The following FGD3 variants were observed in gnomAD, a reference collection of about 807,000 sequenced individuals.
The protein encoded by FGD3 is FYVE, RhoGEF and PH domain-containing protein 3.
Under a neutral mutation model 71.8 loss-of-function variants are expected in FGD3, and 45 were observed. The observed-to-expected ratio is 0.63, with a 90% CI of 0.49 to 0.80. The LOEUF (loss-of-function observed/expected upper bound fraction) is 0.80. FGD3 is among the 30% of genes least tolerant of loss of function. The pLI, the probability that FGD3 is intolerant of heterozygous loss-of-function variation, is 0.00. For missense variants in FGD3, 844 were observed against 951.5 expected (o/e 0.89, Z 1.49); for synonymous variants, 378 against 392.8 (o/e 0.96, Z 0.44).
At chr9:93,011,391 T>G in intron 8 of FGD3, 119 bp downstream of exon 8, 1 of 1,218,178 alleles carries the variant, frequency 8.2e-7, no homozygotes, top group Non-Finnish European at 1.2e-6. Flanking sequence ...GTGACTCTTT[T>G]ATACCTCCTT....
At position 92,948,405 on chromosome 9, in the gene FGD3, AG is replaced by A. The variant is rs1311659694; in HGVS notation, c.-218+678del. On this transcript the variant is annotated intron_variant, in intron 1 of 17. Transcript: ENST00000375482. Reference sequence around the variant, plus strand: ...TAGACATGGGCCGAAAGAGGCCGCAAGGCTGGCCGTGTCCCTTTTTGTAGTT... The same window carrying A: ...TAGACATGGGCCGAAAGAGGCCGCAAGCTGGCCGTGTCCCTTTTTGTAGTT... 2.6e-5 allele frequency among the ~76,000 whole-genome samples: 4 copies of A among 152,254 alleles called. No homozygotes were observed. The East Asian group carries it at 7.7e-4, about 29-fold the overall frequency.
intron 5 of FGD3, among the ~76,000 whole-genome samples, chr9:93,004,474 G>A (rs1860976925): frequency 6.6e-6 from 1 of 152,156 alleles, no homozygotes; most frequent in South Asian, 2.1e-4. Context: ...TTCCCTCCTA[G>A]CTTATACTCC....
chr9:92,960,144 C>T (rs897866619), intron 1 of FGD3, among the ~76,000 whole-genome samples: 1 of 152,042 alleles, frequency 6.6e-6, no homozygotes, highest in Non-Finnish European at 1.5e-5. Flanking sequence ...GTCTTCATGT[C>T]TTCATGTCCC....
Position 93,010,358 on chromosome 9 carries a change from A to G in FGD3, c.950A>G (p.Asp317Gly). 6.2e-7 allele frequency: 1 copy of G among 1,612,770 alleles called. No homozygotes were observed. The highest frequency in any genetic ancestry group is 2.2e-5 in the East Asian group (1 of 44,806). The change falls in exon 7 of 18, where the codon GAC becomes GGC. Residue 317 changes from aspartate (D) to glycine (G), a missense_variant. Transcript: ENST00000375482. The part of the protein sequence containing the change: ...LKDYLKRLPQ[D>G]APDRKDAERS... ...GACTATCTGAAGAGGCTCCCGCAGG[A>G]CGCCCCAGACCGGAAGGATGCGGAG...
chr9:93,026,144 A>G (rs1862105645), intron 14 of FGD3, among the ~76,000 whole-genome samples: 1 of 152,194 alleles, frequency 6.6e-6, no homozygotes, highest in African/African-American at 2.4e-5. Context: ...TGCTCAAGAA[A>G]AAATGCTGGA....
At chr9:93,030,980 C>T (rs1587874444) in intron 15 of FGD3, among the ~76,000 whole-genome samples, 1 of 151,058 alleles carries the variant, frequency 6.6e-6, no homozygotes, top group Non-Finnish European at 1.5e-5. Flanking sequence ...GATGAACAGA[C>T]GAATAGTTGG....
At chr9:92,978,310 TATTCTA>T (rs1335630069) in intron 3 of FGD3, among the ~76,000 whole-genome samples, 4 of 150,422 alleles carry the variant, frequency 2.7e-5, no homozygotes, top group African/African-American at 9.8e-5. Context: ...GAATAAACTA[TATTCTA>T]ATAGCCACAT....
At chr9:93,005,492 G>C (rs369691727) in intron 5 of FGD3, among the ~76,000 whole-genome samples, 111 of 152,256 alleles carry the variant, frequency 7.3e-4, no homozygotes, top group African/African-American at 2.5e-3. Context: ...TGTGCCTGTG[G>C]CTTTTTTCTT....
In FGD3 at chr9:92,969,084, C is replaced by A. The variant is rs931417205; in HGVS notation, c.-217-6154C>A. ...AGGCAGTTCACATGGTTTATTGTATCACCTAGAGGCACTTACAGTATTGCC... is the reference window on the plus strand; with the variant it reads ...AGGCAGTTCACATGGTTTATTGTATAACCTAGAGGCACTTACAGTATTGCC... On this transcript the variant is annotated intron_variant, in intron 1 of 17. Coordinates refer to ENST00000375482, the MANE Select transcript of FGD3 (RefSeq NM_001083536.2). This position sits in a 1 kb window ranked among gnomAD's most constrained non-coding sequence, Gnocchi z 4.5. Among the ~76,000 whole-genome samples the A allele has an allele frequency of 6.6e-6, 1 of 152,250 alleles. No homozygotes were observed. Among genetic ancestry groups the A allele is most frequent in the South Asian group, 2.1e-4 (1 of 4,836 alleles).
rs371150500 is a variant in FGD3 at position 93,028,197 on chromosome 9, G to GACACAC, written c.1558-1662_1558-1657dup. Among the ~76,000 whole-genome samples, 900 of 147,294 alleles carry GACACAC rather than the reference G, an allele frequency of 6.1e-3. 12 individuals carry two copies. Among genetic ancestry groups the GACACAC allele is most frequent in the East Asian group, 0.056 (283 of 5,024 alleles). On this transcript the variant is annotated intron_variant, in intron 14 of 17. Transcript: ENST00000375482. ...TTATGGCCCCTCAGCCCCTAGCCCCGACACACACACACACACACACGCACA... is the reference window on the plus strand; with the variant it reads ...TTATGGCCCCTCAGCCCCTAGCCCCGACACACACACACACACACACACACACGCACA...
intron 1 of FGD3, among the ~76,000 whole-genome samples, chr9:92,950,534 C>T (rs552176407): frequency 1.5e-4 from 23 of 152,282 alleles, no homozygotes; most frequent in Admixed American, 1.1e-3. Flanking sequence ...AGGCTCCAGC[C>T]CCACGCAGCT....
At chr9:92,952,745 C>T (rs1216184025) in intron 1 of FGD3, among the ~76,000 whole-genome samples, 1 of 151,858 alleles carries the variant, frequency 6.6e-6, no homozygotes, top group Non-Finnish European at 1.5e-5. Context: ...CTCTTTCCTT[C>T]CCTTTTTTCC....
intron 3 of FGD3, among the ~76,000 whole-genome samples, chr9:92,995,325 G>A (rs901928500): frequency 1.6e-4 from 25 of 152,270 alleles, no homozygotes; most frequent in African/African-American, 5.3e-4. Context: ...AATTGATTTC[G>A]TATCCTGAGA....
intron 6 of FGD3, among the ~76,000 whole-genome samples, chr9:93,006,878 C>G (rs572549909): frequency 4.6e-5 from 7 of 151,566 alleles, no homozygotes; most frequent in African/African-American, 1.5e-4. Flanking sequence ...AGGCGCCCAC[C>G]ACCACGCCCA....
intron 16 of FGD3, chr9:93,033,298 T>A: frequency 6.7e-6 from 1 of 149,142 alleles, no homozygotes; most frequent in Non-Finnish European, 1.2e-5. Context: ...CTCCTCCCCG[T>A]CCCCTTCTCC....
At chr9:93,024,885 C>G (rs568822438) in intron 14 of FGD3, among the ~76,000 whole-genome samples, 2 of 152,382 alleles carry the variant, frequency 1.3e-5, no homozygotes, top group African/African-American at 4.8e-5. Flanking sequence ...TGGGAAGACA[C>G]AGCTTGGAGA....
chr9:92,991,254 T>A (rs1372718533), intron 3 of FGD3, among the ~76,000 whole-genome samples: 1 of 152,042 alleles, frequency 6.6e-6, no homozygotes, highest in African/African-American at 2.4e-5. Flanking sequence ...AATTTTTATA[T>A]TTTTTTGTAG....
chr9:93,027,469 T>C (rs1436910081), intron 14 of FGD3, among the ~76,000 whole-genome samples: 1 of 152,140 alleles, frequency 6.6e-6, no homozygotes, highest in Non-Finnish European at 1.5e-5. Context: ...TCATCTCTTC[T>C]TATAAAGACA....
rs1861038623 is a variant in FGD3, at chr9:93,006,068, C to T, written c.725C>T (p.Pro242Leu). 8 of 1,613,078 alleles carry T rather than the reference C, an allele frequency of 5.0e-6. No homozygotes were observed. Among genetic ancestry groups the T allele is most frequent in the Non-Finnish European group, 6.8e-6 (8 of 1,179,604 alleles). The change falls in exon 6 of 18, where the codon CCA (proline) becomes CTA (leucine). Residue 242 changes from proline to leucine, a missense_variant. Transcript: ENST00000375482. ...GGGGACATCCTGCAGAAGCTGGCCC[C>T]ATTCCTGAAGATGTACGGCGAGTAT... ...RLGDILQKLA[P>L]FLKMYGEYVK...
Sources: gnomAD v4.1 joint callset for allele counts (sites outside exome capture counted in the v4.1 genomes callset) on GRCh38, gnomAD v4.1.1 for gene constraint, Gnocchi (gnomAD v3.1) non-coding constraint, MANE v1.5 for transcripts, NCBI Gene and HGNC (gene_info 2026-07-23, HGNC 2026-07-21) for gene names.